MTA3: variants seen among roughly 807,000 people sequenced by gnomAD.
MTA3 encodes metastasis-associated protein MTA3.
In MTA3, 34 loss-of-function variants were observed where a neutral mutation model predicts 83.5. That is an observed-to-expected ratio of 0.41 (90% confidence interval 0.31 to 0.54). MTA3 has a LOEUF of 0.54. Among genes scored for constraint, MTA3 ranks in the 20% least tolerant of loss-of-function variants. The pLI is 0.33. For missense variants in MTA3, 761 were observed against 726.4 expected, an observed-to-expected ratio of 1.05 and a Z score of -0.55; for synonymous variants, 303 against 252.7, an observed-to-expected ratio of 1.20 and a Z score of -1.89.
intron 16 of MTA3, among the ~76,000 whole-genome samples, chr2:42,725,021 A>G (rs1356138550): frequency 6.6e-6 from 1 of 152,224 alleles, no homozygotes; most frequent in Non-Finnish European, 1.5e-5. Flanking sequence ...CTGCTGAAAC[A>G]CTTCCTTCTT....
intron 9 of MTA3, among the ~76,000 whole-genome samples, chr2:42,686,517 C>T (rs1692379996): frequency 1.5e-5 from 1 of 66,282 alleles, no homozygotes; most frequent in African/African-American, 9.1e-5. Context: ...TAGACTCTGC[C>T]TCTTAAAAAA....
intron 14 of MTA3, among the ~76,000 whole-genome samples, chr2:42,709,986 G>C (rs921279661): frequency 1.3e-5 from 2 of 152,072 alleles, no homozygotes; most frequent in African/African-American, 4.8e-5. Flanking sequence ...GTTAGCTCTG[G>C]AGTCACATTC....
chr2:42,520,103 G>A (rs1217976034), intron 2 of MTA3, among the ~76,000 whole-genome samples: 2 of 152,108 alleles, frequency 1.3e-5, no homozygotes, highest in African/African-American at 4.8e-5. Context: ...AGGGTAGCAG[G>A]GTCATGACAA....
intron 2 of MTA3, among the ~76,000 whole-genome samples, chr2:42,507,767 A>G (rs117899731): frequency 6.6e-6 from 1 of 151,928 alleles, no homozygotes; most frequent in East Asian, 1.9e-4. Context: ...CCATTTCTAC[A>G]GAAACGTTAA....
At position 42,754,283 on chromosome 2, in the gene MTA3, T is replaced by A. The variant is rs1343068650; in HGVS notation, c.*884T>A. On this transcript the variant is annotated 3_prime_UTR_variant, in exon 17 of 17. Transcript: ENST00000405094. ...ACAGCAGGTCACAAATGACCTAGTT[T>A]CATTTTAAGCAGACAGACTCTGTTT... is the stretch of plus-strand genomic sequence containing the variant. 3.0e-6 allele frequency: 3 copies of A among 985,328 alleles called. No homozygotes were observed. In the Admixed American group the frequency reaches 1.8e-4, roughly 61 times the overall value. The allele number at this position is 985,328 out of a possible 1,614,324, so 61.0% of individuals were successfully genotyped here.
intron 3 of MTA3, among the ~76,000 whole-genome samples, chr2:42,585,793 A>G (rs556357233): frequency 6.6e-6 from 1 of 151,708 alleles, no homozygotes; most frequent in Non-Finnish European, 1.5e-5. Flanking sequence ...ATTTTATTTT[A>G]TTTATTTGGT....
chr2:42,687,821 C>T (rs185684933), intron 9 of MTA3, among the ~76,000 whole-genome samples: 16 of 152,306 alleles, frequency 1.1e-4, no homozygotes, highest in African/African-American at 3.4e-4. Flanking sequence ...AGTTTGTTGG[C>T]ATGAGGCAAT....
chr2:42,696,575 T>C (rs1573657223), intron 10 of MTA3, among the ~76,000 whole-genome samples: 1 of 152,296 alleles, frequency 6.6e-6, no homozygotes, highest in African/African-American at 2.4e-5. Flanking sequence ...TGGCAAGTAT[T>C]AGATGCTATA....
chr2:42,724,319 C>CACAA (rs1276888495), intron 16 of MTA3, among the ~76,000 whole-genome samples: 4 of 149,048 alleles, frequency 2.7e-5, no homozygotes, highest in African/African-American at 1.0e-4. Context: ...CACACACACA[C>CACAA]ACACACACAC....
At chr2:42,590,183 A>T (rs1573098982) in intron 3 of MTA3, among the ~76,000 whole-genome samples, 1 of 151,984 alleles carries the variant, frequency 6.6e-6, no homozygotes, top group East Asian at 1.9e-4. Flanking sequence ...TGTGGTTTGG[A>T]TGTTGTGCCC....
intron 2 of MTA3, among the ~76,000 whole-genome samples, chr2:42,528,300 G>A (rs1675810332): frequency 6.6e-6 from 1 of 150,824 alleles, no homozygotes; most frequent in African/African-American, 2.4e-5. Context: ...GGCTCCTGCA[G>A]CCTCCGCCTC....
intron 4 of MTA3, among the ~76,000 whole-genome samples, chr2:42,632,252 G>A (rs529631852): frequency 8.6e-5 from 13 of 151,804 alleles, no homozygotes; most frequent in African/African-American, 1.9e-4. Context: ...CACCATGCCC[G>A]GCTAATTTTT....
At chr2:42,597,682 C>T (rs1355250949) in intron 3 of MTA3, among the ~76,000 whole-genome samples, 1 of 54,252 alleles carries the variant, frequency 1.8e-5, no homozygotes. Flanking sequence ...CCTCACCCAC[C>T]TGTTTTTTTT....
chr2:42,716,756 A>G (rs187718517), intron 14 of MTA3, among the ~76,000 whole-genome samples: 2 of 152,128 alleles, frequency 1.3e-5, no homozygotes, highest in Admixed American at 6.6e-5. Flanking sequence ...GGTTGATTCC[A>G]TGTCTTTACT....
chr2:42,698,420 G>T (rs1693580019), intron 11 of MTA3: 1 of 151,310 alleles, frequency 6.6e-6, no homozygotes, highest in South Asian at 2.1e-4. Context: ...ATGAGGCTGA[G>T]CATGGTAGTT....
intron 14 of MTA3, among the ~76,000 whole-genome samples, chr2:42,712,284 C>G (rs565579968): frequency 6.6e-6 from 1 of 152,094 alleles, no homozygotes; most frequent in African/African-American, 2.4e-5. Context: ...ATTTACCACT[C>G]TTCATCCATA....
chr2:42,584,126 G>A lies in MTA3; in HGVS notation c.190+4926G>A, dbSNP rs532402287. ...CCAAAGTGCTGGATTACAGGTGTGAGCCACTGTGCCCACCTTACGAACTCT... is the reference window on the plus strand; with the variant it reads ...CCAAAGTGCTGGATTACAGGTGTGAACCACTGTGCCCACCTTACGAACTCT... On this transcript the variant is annotated intron_variant, in intron 3 of 16. Coordinates refer to ENST00000405094, the MANE Select transcript of MTA3 (RefSeq NM_001330442.2). 2.0e-5 allele frequency among the ~76,000 whole-genome samples: 3 copies of A among 152,146 alleles called. No individual in the cohort carries two copies. The South Asian group carries it at 6.2e-4, about 32-fold the overall frequency.
At chr2:42,590,940 A>G (rs999074142) in intron 3 of MTA3, among the ~76,000 whole-genome samples, 2 of 152,010 alleles carry the variant, frequency 1.3e-5, no homozygotes, top group Non-Finnish European at 2.9e-5. Flanking sequence ...GAGGTACTGT[A>G]ATTTGACCAC....
At chr2:42,596,183 C>G (rs1042911571) in intron 3 of MTA3, among the ~76,000 whole-genome samples, 10 of 152,122 alleles carry the variant, frequency 6.6e-5, no homozygotes, top group African/African-American at 2.4e-4. Flanking sequence ...GAGAACATAG[C>G]CCATGGCTTT....
Sources: gnomAD v4.1 joint callset for allele counts (sites outside exome capture counted in the v4.1 genomes callset) on GRCh38, gnomAD v4.1.1 for gene constraint, MANE v1.5 for transcripts, NCBI Gene and HGNC (gene_info 2026-07-23, HGNC 2026-07-21) for gene names.